DIP2B: variants seen among roughly 807,000 people sequenced by gnomAD.
DIP2B encodes the protein disco-interacting protein 2 homolog B.
DIP2B carries 76 observed loss-of-function variants against 198.0 expected under a neutral mutation model. The observed-to-expected ratio is 0.38, with a 90% confidence interval of 0.32 to 0.46. DIP2B has a LOEUF of 0.46. DIP2B is among the 20% of genes least tolerant of loss of function. The pLI is 0.99. For synonymous variants in DIP2B, 701 were observed against 739.1 expected (o/e 0.95, Z 0.84); for missense variants, 1,559 against 1,978.4 (o/e 0.79, Z 4.02).
rs1376861605 is a variant in DIP2B, at chr12:50,686,261, G to A, written c.1441+305G>A. On this transcript the variant is annotated intron_variant, in intron 11 of 37. Transcript: ENST00000301180. ...GATGGTTGGAAAAAGCTACCACTCTGTACATTAAAGCTAAATGCTACATGT... is the reference window on the plus strand; with the variant it reads ...GATGGTTGGAAAAAGCTACCACTCTATACATTAAAGCTAAATGCTACATGT... 5.3e-5 allele frequency among the ~76,000 whole-genome samples: 8 copies of A among 152,076 alleles called. No individual in the cohort carries two copies. In the South Asian group the frequency reaches 1.7e-3, roughly 32 times the overall value.
At chr12:50,737,672 G>A (rs770222167) in intron 35 of DIP2B, among the ~76,000 whole-genome samples, 6 of 151,746 alleles carry the variant, frequency 4.0e-5, no homozygotes, top group Non-Finnish European at 7.4e-5. Context: ...TGCAACCTCC[G>A]CCTCCCGGGT....
intron 1 of DIP2B, among the ~76,000 whole-genome samples, chr12:50,514,069 T>C (rs1406037657): frequency 6.7e-6 from 1 of 149,080 alleles, no homozygotes; most frequent in South Asian, 2.1e-4. Context: ...AGTTGTCTTT[T>C]TTTTTTTTTT....
chr12:50,583,290 C>T (rs1315945673), intron 1 of DIP2B, among the ~76,000 whole-genome samples: 1 of 148,698 alleles, frequency 6.7e-6, no homozygotes, highest in Non-Finnish European at 1.5e-5. Flanking sequence ...TTCCCTCCAC[C>T]ACATCTACAC....
At chr12:50,514,962 A>G (rs1958050564) in intron 1 of DIP2B, among the ~76,000 whole-genome samples, 1 of 151,920 alleles carries the variant, frequency 6.6e-6, no homozygotes, top group African/African-American at 2.4e-5. Context: ...CCAGCCTTCC[A>G]GCTTTAAAAA....
intron 1 of DIP2B, among the ~76,000 whole-genome samples, chr12:50,625,310 C>A (rs186993843): frequency 9.8e-5 from 15 of 152,330 alleles, no homozygotes; most frequent in African/African-American, 3.6e-4. Flanking sequence ...ACTTCAACTA[C>A]AGATTTTCTC....
chr12:50,585,298 A>G (rs1958760757), intron 1 of DIP2B, among the ~76,000 whole-genome samples: 6 of 152,254 alleles, frequency 3.9e-5, no homozygotes, highest in Admixed American at 3.3e-4. Flanking sequence ...TGGGCAAGGT[A>G]GACACACTCA....
Position 50,723,336 on chromosome 12 carries a change from T to C in DIP2B, c.3288+13T>C. On this transcript the variant is annotated intron_variant, in intron 27 of 37. Transcript: ENST00000301180. The stretch of plus-strand genomic sequence containing the variant: ...AATGATTGTTGATGTAAGTACCAGC[T>C]GTATCTTGCCTTGTCCTCATCTCCT... 6.2e-7 allele frequency: 1 copy of C among 1,614,090 alleles called. No individual in the cohort carries two copies. The highest frequency in any genetic ancestry group is 8.5e-7 in the Non-Finnish European group (1 of 1,179,982).
At position 50,728,630 on chromosome 12, in the gene DIP2B, G is replaced by A; in HGVS notation, c.3593G>A (p.Cys1198Tyr). The A allele has an allele frequency of 1.2e-6, 2 of 1,614,114 alleles. No homozygotes were observed. The highest frequency in any genetic ancestry group is 1.7e-6 in the Non-Finnish European group (2 of 1,180,032). ...ELYSSRQIAI[C>Y]LDPYCGLGFA... ...TACTCTTCTCGGCAGATCGCCATCT[G>A]CCTTGACCCTTACTGTGGACTTGGC... The change falls in exon 30 of 38, where the codon TGC becomes TAC. Residue 1198 changes from cysteine (C) to tyrosine (Y), a missense_variant. Transcript: ENST00000301180.
rs970841035 is a variant in DIP2B at position 50,728,461 on chromosome 12, A to G, written c.3511-87A>G. The G allele has an allele frequency of 4.1e-6, 6 of 1,460,990 alleles. No homozygotes were observed. In the African/African-American group the frequency reaches 7.0e-5, roughly 17 times the overall value. The allele number at this position is 1,460,990 out of a possible 1,614,324, so 90.5% of individuals were successfully genotyped here. On this transcript the variant is annotated intron_variant, in intron 29 of 37. Transcript: ENST00000301180. Reference sequence around the variant, plus strand: ...TGCATTGTTTTGAGGAGTTTAGGGAATTGAAACTCCTCAAAGCTGTCGTCA... The same window carrying G: ...TGCATTGTTTTGAGGAGTTTAGGGAGTTGAAACTCCTCAAAGCTGTCGTCA...
At chr12:50,734,540 G>T (rs1940103257) in intron 33 of DIP2B, among the ~76,000 whole-genome samples, 1 of 152,144 alleles carries the variant, frequency 6.6e-6, no homozygotes, top group South Asian at 2.1e-4. Flanking sequence ...GTCAGAGTAG[G>T]GTTTTTGAAA....
chr12:50,539,329 T>C (rs12372538), intron 1 of DIP2B, among the ~76,000 whole-genome samples: 47,602 of 150,896 alleles, frequency 0.32, 7,703 homozygotes, highest in South Asian at 0.39. Context: ...AAAGAATATA[T>C]ATAAAGTGTA....
intron 1 of DIP2B, among the ~76,000 whole-genome samples, chr12:50,619,174 C>T (rs1937756818): frequency 2.0e-5 from 3 of 152,144 alleles, no homozygotes; most frequent in Admixed American, 6.5e-5. Context: ...ATTAAGACTG[C>T]TCCCGATAGA....
chr12:50,578,456 C>T (rs964049619), intron 1 of DIP2B, among the ~76,000 whole-genome samples: 1 of 151,594 alleles, frequency 6.6e-6, no homozygotes, highest in Non-Finnish European at 1.5e-5. Context: ...AAAAACCACG[C>T]CTGGCCCTAA....
chr12:50,636,452 C>T (rs1445188800), intron 2 of DIP2B, among the ~76,000 whole-genome samples: 1 of 152,130 alleles, frequency 6.6e-6, no homozygotes, highest in Non-Finnish European at 1.5e-5. Context: ...TATCTGCCCC[C>T]GTATATCTCA....
At chr12:50,712,445 A>C (rs1433217589) in intron 22 of DIP2B, among the ~76,000 whole-genome samples, 1 of 151,688 alleles carries the variant, frequency 6.6e-6, no homozygotes, top group Non-Finnish European at 1.5e-5. Flanking sequence ...CTCTACTAAA[A>C]ATACAAAAAT....
chr12:50,516,911 C>T lies in DIP2B; in HGVS notation c.100+11671C>T, dbSNP rs560475555. On this transcript the variant is annotated intron_variant, in intron 1 of 37. Coordinates refer to ENST00000301180, the MANE Select transcript of DIP2B (RefSeq NM_173602.3). ...AGGAGAATTGCTTGAGCCCAGGAGACGGAGGTTGCAGTGAGCAGGGATCAC... is the reference window on the plus strand; with the variant it reads ...AGGAGAATTGCTTGAGCCCAGGAGATGGAGGTTGCAGTGAGCAGGGATCAC... Among the ~76,000 whole-genome samples, 8 of 151,992 alleles carry T rather than the reference C, an allele frequency of 5.3e-5. No individual in the cohort carries two copies. The East Asian group carries it at 9.8e-4, about 19-fold the overall frequency.
chr12:50,649,218 A>G (rs1016501280), intron 3 of DIP2B, among the ~76,000 whole-genome samples: 1 of 152,208 alleles, frequency 6.6e-6, no homozygotes, highest in Non-Finnish European at 1.5e-5. Flanking sequence ...AAAGCTATCA[A>G]ATTTATTTAT....
chr12:50,505,001 T>TGGCGGCGGCGGCGGCGGCGGCAGCGGC lies in DIP2B; in HGVS notation c.-119_-118insAGCGGCGGCGGCGGCGGCGGCGGCGGC. 1 of 650,322 alleles carries TGGCGGCGGCGGCGGCGGCGGCAGCGGC rather than the reference T, an allele frequency of 1.5e-6. No homozygotes were observed. The highest frequency in any genetic ancestry group is 2.6e-6 in the Non-Finnish European group (1 of 384,764). The allele number at this position is 650,322 out of a possible 1,614,324, so 40.3% of individuals were successfully genotyped here. ...GTCGCGCTCACGTGACCTTTGCTCA[T>TGGCGGCGGCGGCGGCGGCGGCAGCGGC]GGCGGCGGCGGCGGCGGCGGCGGTG... On this transcript the variant is annotated 5_prime_UTR_variant, in exon 1 of 38. Coordinates refer to ENST00000301180, the MANE Select transcript of DIP2B (RefSeq NM_173602.3).
At chr12:50,663,429 G>A (rs949858181) in intron 4 of DIP2B, among the ~76,000 whole-genome samples, 6 of 151,496 alleles carry the variant, frequency 4.0e-5, no homozygotes, top group Admixed American at 6.6e-5. Context: ...TGGTGGCAGC[G>A]CCTGTAGTCC....
Sources: allele counts gnomAD v4.1 joint callset (sites outside exome capture counted in the v4.1 genomes callset), GRCh38; gene constraint gnomAD v4.1.1; transcripts MANE v1.5; gene names NCBI Gene and HGNC (gene_info 2026-07-23, HGNC 2026-07-21).